STARD7: variants seen among roughly 807,000 people sequenced by gnomAD.
STARD7 encodes stAR-related lipid transfer protein 7, mitochondrial.
A neutral mutation model predicts 45.3 loss-of-function variants in STARD7; 30 were observed. The ratio of observed to expected loss-of-function variants is 0.66; its 90% confidence interval spans 0.50 to 0.90. The LOEUF (loss-of-function observed/expected upper bound fraction) is 0.90, where lower values mean the gene tolerates loss of function less well. Among genes scored for constraint, STARD7 ranks in the 40% least tolerant of loss-of-function variants. The probability of loss-of-function intolerance (pLI) is 0.00; values close to 1 mark genes in which losing one functional copy is unlikely to be tolerated. For synonymous variants in STARD7, 199 were observed against 183.0 expected (o/e 1.09, Z -0.70); for missense variants, 495 against 491.3 (o/e 1.01, Z -0.07).
intron 1 of STARD7, among the ~76,000 whole-genome samples, chr2:96,201,715 T>A (rs1683308230): frequency 6.6e-6 from 1 of 151,088 alleles, no homozygotes; most frequent in South Asian, 2.1e-4. Flanking sequence ...CAAGAATCTG[T>A]TGAACCCAGG....
chr2:96,201,028 C>T (rs1683296011), intron 1 of STARD7, among the ~76,000 whole-genome samples: 1 of 152,170 alleles, frequency 6.6e-6, no homozygotes, highest in Non-Finnish European at 1.5e-5. Context: ...TAACCATACA[C>T]ACTGATTTTT....
At chr2:96,195,139 G>T in intron 2 of STARD7, 132 bp from the exon 3 acceptor site, 1 of 882,628 alleles carries the variant, frequency 1.1e-6, no homozygotes, top group Non-Finnish European at 1.8e-6. Context: ...AGAAGTCTTA[G>T]TAGAGCAACA....
intron 3 of STARD7, 118 bp from the exon 4 acceptor site, chr2:96,193,470 A>AC (rs1167477041): frequency 2.8e-6 from 2 of 711,850 alleles, no homozygotes; most frequent in Non-Finnish European, 5.0e-6. Flanking sequence ...GAGTAATCTG[A>AC]CCTAACAGAC....
chr2:96,194,570 T>C (rs1391881728), intron 3 of STARD7, among the ~76,000 whole-genome samples: 1 of 152,212 alleles, frequency 6.6e-6, no homozygotes, highest in Non-Finnish European at 1.5e-5. Flanking sequence ...GGTATCATGA[T>C]TAGTTAAGAA....
At chr2:96,197,079 A>ATAAC (rs1558735802) in intron 1 of STARD7, among the ~76,000 whole-genome samples, 1 of 135,648 alleles carries the variant, frequency 7.4e-6, no homozygotes, top group Non-Finnish European at 1.6e-5. Context: ...AATAAAATAA[A>ATAAC]ATAAAATAAA....
In STARD7 at chr2:96,208,140, C is replaced by G; in HGVS notation, c.290+5G>C. On this transcript the variant is annotated splice_donor_5th_base_variant and intron_variant, in intron 1 of 7. Coordinates refer to ENST00000337288, the MANE Select transcript of STARD7 (RefSeq NM_020151.4). ...GGCCCAGAAAGAGCTCGCCGCAGCG[C>G]CCACCTCTGCAACTCCTCCTCCTGG... The G allele has an allele frequency of 6.4e-7, 1 of 1,552,498 alleles. No individual in the cohort carries two copies. Among genetic ancestry groups the G allele is most frequent in the South Asian group, 1.2e-5 (1 of 83,528 alleles).
rs1573950360 is a variant in STARD7 at position 96,208,582 on chromosome 2, C to T, written c.-148G>A. The T allele has an allele frequency of 1.3e-5, 8 of 615,004 alleles. No individual in the cohort carries two copies. The highest frequency in any genetic ancestry group is 1.8e-5 in the Non-Finnish European group (7 of 393,168). 38.1% of individuals were successfully genotyped at this position (615,004 alleles called of 1,614,324 possible). ...GCCAGGAGCCGCCGCTCATCTGTCT[C>T]TGCAGCCACCGCTGAGGAAGAGTCT... is the stretch of plus-strand genomic sequence containing the variant. On this transcript the variant is annotated 5_prime_UTR_variant, in exon 1 of 8. Transcript: ENST00000337288.
At chr2:96,196,707 C>T (rs1410549057) in intron 1 of STARD7, among the ~76,000 whole-genome samples, 6 of 151,984 alleles carry the variant, frequency 3.9e-5, no homozygotes, top group East Asian at 2.0e-4. Flanking sequence ...ATGATCTGCC[C>T]GCCTCGGCCT....
chr2:96,208,755 C>G lies in STARD7; in HGVS notation c.-321G>C, dbSNP rs1366103854. On this transcript the variant is annotated 5_prime_UTR_variant, in exon 1 of 8. Transcript: ENST00000337288. ...GGGCGCCCGGGGCCGGGATGCAGGG[C>G]GCGCGGACAGAAACGAGACAGACAG... 10 of 409,302 alleles carry G rather than the reference C, an allele frequency of 2.4e-5. No homozygotes were observed. The highest frequency in any genetic ancestry group is 3.9e-5 in the Non-Finnish European group (9 of 231,496). The allele number at this position is 409,302 out of a possible 1,614,324, so 25.4% of individuals were successfully genotyped here. A position where few individuals can be genotyped will look rare whatever the true frequency, so the allele number is the denominator to read the frequency against.
In STARD7 at chr2:96,208,674, C is replaced by T; in HGVS notation, c.-240G>A. The T allele has an allele frequency of 2.2e-6, 1 of 447,748 alleles. No homozygotes were observed. The highest frequency in any genetic ancestry group is 3.9e-6 in the Non-Finnish European group (1 of 255,882). 27.7% of individuals were successfully genotyped at this position (447,748 alleles called of 1,614,324 possible). A position where few individuals can be genotyped will look rare whatever the true frequency, so the allele number is the denominator to read the frequency against. On this transcript the variant is annotated 5_prime_UTR_variant, in exon 1 of 8. It adds an upstream start codon to the 5' untranslated region. Coordinates refer to ENST00000337288, the MANE Select transcript of STARD7 (RefSeq NM_020151.4). ...GGCTCCGCGACTGCTACACCAGGCA[C>T]TCCTGGGCCCGGGCAGCAGACCAGT...
chr2:96,207,362 G>A (rs946761547), intron 1 of STARD7, among the ~76,000 whole-genome samples: 1 of 152,156 alleles, frequency 6.6e-6, no homozygotes, highest in Non-Finnish European at 1.5e-5. Context: ...GTGCAGGGAG[G>A]GCACAGTTTA....
intron 1 of STARD7, among the ~76,000 whole-genome samples, chr2:96,202,932 CT>C (rs1478166980): frequency 6.6e-6 from 1 of 152,222 alleles, no homozygotes; most frequent in Non-Finnish European, 1.5e-5. Context: ...ATCTGACCCA[CT>C]GCTTAATCAA....
At chr2:96,202,874 T>C (rs1343038584) in intron 1 of STARD7, among the ~76,000 whole-genome samples, 1 of 152,246 alleles carries the variant, frequency 6.6e-6, no homozygotes, top group Admixed American at 6.5e-5. Context: ...TTATTAACTA[T>C]AGGCAACATT....
intron 1 of STARD7, among the ~76,000 whole-genome samples, chr2:96,199,184 T>C (rs1683269677): frequency 6.6e-6 from 1 of 152,210 alleles, no homozygotes; most frequent in Non-Finnish European, 1.5e-5. Context: ...CATATGACTA[T>C]CAGAAGTGGC....
intron 1 of STARD7, among the ~76,000 whole-genome samples, chr2:96,197,069 A>ATAAC (rs1331360031): frequency 1.1e-5 from 1 of 94,112 alleles, no homozygotes; most frequent in Admixed American, 9.7e-5. Flanking sequence ...TCCGTCTCAA[A>ATAAC]ATAAAATAAA....
chr2:96,198,873 G>A (rs1216040638), intron 1 of STARD7, among the ~76,000 whole-genome samples: 1 of 152,160 alleles, frequency 6.6e-6, no homozygotes, highest in Non-Finnish European at 1.5e-5. Flanking sequence ...TAATGAGGTA[G>A]GAGTCTAAAC....
At chr2:96,191,955 A>T (rs1304041430) in intron 6 of STARD7, among the ~76,000 whole-genome samples, 1 of 152,230 alleles carries the variant, frequency 6.6e-6, no homozygotes, top group Non-Finnish European at 1.5e-5. Flanking sequence ...AATTTTAAAG[A>T]AGGCAGACAG....
At chr2:96,197,556 G>A (rs1683241516) in intron 1 of STARD7, among the ~76,000 whole-genome samples, 1 of 152,190 alleles carries the variant, frequency 6.6e-6, no homozygotes, top group Non-Finnish European at 1.5e-5. Flanking sequence ...AAGTATGTAT[G>A]TATTTTTCCC....
intron 1 of STARD7, among the ~76,000 whole-genome samples, chr2:96,197,093 A>T (rs1207470066): frequency 1.5e-4 from 21 of 142,002 alleles, no homozygotes; most frequent in African/African-American, 4.8e-4. Flanking sequence ...AAATAAAATA[A>T]AATAAAATAA....
Sources: gnomAD v4.1 joint callset for allele counts (sites outside exome capture counted in the v4.1 genomes callset) on GRCh38, gnomAD v4.1.1 for gene constraint, MANE v1.5 for transcripts, NCBI Gene and HGNC (gene_info 2026-07-23, HGNC 2026-07-21) for gene names.